Variants in KNTC1 observed in about 807,000 individuals in gnomAD.
KNTC1 encodes kinetochore-associated protein 1.
Under a neutral mutation model 314.4 loss-of-function variants are expected in KNTC1, and 253 were observed. The observed-to-expected ratio is 0.80, with a 90% CI of 0.73 to 0.89. The LOEUF (loss-of-function observed/expected upper bound fraction) is 0.89, where lower values mean the gene tolerates loss of function less well. Among genes scored for constraint, KNTC1 ranks in the 40% least tolerant of loss-of-function variants. The pLI is 0.00. For synonymous variants in KNTC1, 901 were observed against 901.4 expected, an observed-to-expected ratio of 1.00 and a Z score of 0.01; for missense variants, 2,475 against 2,572.9, an observed-to-expected ratio of 0.96 and a Z score of 0.82.
chr12:122,591,772 C>T (rs1870235785), intron 42 of KNTC1, among the ~76,000 whole-genome samples: 1 of 152,140 alleles, frequency 6.6e-6, no homozygotes, highest in Non-Finnish European at 1.5e-5. Flanking sequence ...CTTTTGTTTT[C>T]TGCTGCTGTT....
intron 19 of KNTC1, among the ~76,000 whole-genome samples, 192 bp downstream of exon 19, chr12:122,562,166 TA>T (rs1360936026): frequency 6.6e-6 from 1 of 152,232 alleles, no homozygotes; most frequent in African/African-American, 2.4e-5. Flanking sequence ...ATAATTCATA[TA>T]AACTGTTGTA....
At chr12:122,601,279 G>C (rs994441615) in intron 44 of KNTC1, among the ~76,000 whole-genome samples, 2 of 151,546 alleles carry the variant, frequency 1.3e-5, no homozygotes, top group African/African-American at 4.9e-5. Flanking sequence ...TAGAGACGGG[G>C]TTTCACCGTG....
chr12:122,615,142 C>G (rs1198786318), intron 56 of KNTC1, 56 bp downstream of exon 56: 33 of 1,227,810 alleles, frequency 2.7e-5, no homozygotes, highest in Non-Finnish European at 3.6e-5. Flanking sequence ...TGCACAGCAT[C>G]CCCTAAACAT....
At chr12:122,576,842 C>T (rs2137948574) in intron 29 of KNTC1, 53 bp from the exon 30 acceptor site, 5 of 1,407,846 alleles carry the variant, frequency 3.6e-6, no homozygotes, top group South Asian at 1.7e-5. Flanking sequence ...CAAGTGATTT[C>T]TTGGTTTTCT....
chr12:122,616,241 A>G (rs1873751454), intron 57 of KNTC1, among the ~76,000 whole-genome samples: 1 of 151,370 alleles, frequency 6.6e-6, no homozygotes, highest in Admixed American at 6.6e-5. Context: ...ACTGCTTACA[A>G]TTTCCTATGT....
chr12:122,611,352 T>C (rs1873094956), intron 53 of KNTC1: 2 of 153,618 alleles, frequency 1.3e-5, no homozygotes, highest in South Asian at 4.1e-4. Context: ...TTCTTGCCTA[T>C]AGAAATGTCC....
intron 5 of KNTC1, among the ~76,000 whole-genome samples, chr12:122,541,283 G>GCCTTCCTT (rs1326545612): frequency 0.011 from 730 of 66,678 alleles, 9 homozygotes; most frequent in African/African-American, 0.033. Flanking sequence ...CTGCCTGCCT[G>GCCTTCCTT]CCTGCCTTCC....
chr12:122,577,124 C>A, intron 30 of KNTC1, 95 bp downstream of exon 30: 1 of 939,856 alleles, frequency 1.1e-6, no homozygotes, highest in South Asian at 2.3e-5. Context: ...ATTGCCCAGG[C>A]TGGAGTGCAG....
At chr12:122,558,069 G>A (rs541562723) in intron 18 of KNTC1, among the ~76,000 whole-genome samples, 1 of 152,116 alleles carries the variant, frequency 6.6e-6, no homozygotes, top group South Asian at 2.1e-4. Context: ...GGCCAACATG[G>A]TGAAACTCCG....
chr12:122,602,889 T>C lies in KNTC1; in HGVS notation c.4884+2T>C. The C allele has an allele frequency of 6.3e-7, 1 of 1,597,688 alleles. No homozygotes were observed. On this transcript the variant is annotated splice_donor_variant, in intron 47 of 63. Transcript: ENST00000333479. LOFTEE classifies it high-confidence loss of function. ...CTCTTAATTTCGAAATTAATGAAGG[T>C]AATGGATTAAAACATTGTAAGACAT...
chr12:122,588,679 A>G, intron 39 of KNTC1, 33 bp from the exon 40 acceptor site: 1 of 1,429,242 alleles, frequency 7.0e-7, no homozygotes, highest in Non-Finnish European at 9.4e-7. Context: ...ATATAGAACT[A>G]GACCTAAATA....
intron 3 of KNTC1, among the ~76,000 whole-genome samples, chr12:122,536,139 G>A (rs1055452092): frequency 3.3e-5 from 5 of 150,386 alleles, no homozygotes; most frequent in African/African-American, 4.9e-5. Context: ...TCCTGACCTT[G>A]TGATCTGCCT....
At chr12:122,575,407 G>T (rs1379365647) in intron 27 of KNTC1, 136 bp from the exon 28 acceptor site, 8 of 638,138 alleles carry the variant, frequency 1.3e-5, no homozygotes, top group Non-Finnish European at 2.2e-5. Flanking sequence ...GAAATAAATG[G>T]TTTTCCAGTG....
chr12:122,625,551 G>A (rs1242175115), intron 63 of KNTC1, among the ~76,000 whole-genome samples: 4 of 142,252 alleles, frequency 2.8e-5, no homozygotes, highest in Non-Finnish European at 6.1e-5. Flanking sequence ...TGGGCGACAA[G>A]AGCAAAACTC....
At chr12:122,585,821 T>C in intron 37 of KNTC1, 47 bp downstream of exon 37, 7 of 1,589,274 alleles carry the variant, frequency 4.4e-6, no homozygotes, top group Non-Finnish European at 6.0e-6. Context: ...CTGTCTTATG[T>C]AAATTTAAAC....
intron 53 of KNTC1, among the ~76,000 whole-genome samples, chr12:122,612,723 T>C (rs1873311316): frequency 6.6e-6 from 1 of 152,222 alleles, no homozygotes; most frequent in Non-Finnish European, 1.5e-5. Flanking sequence ...CGGCCACCTC[T>C]TTGGTTTTCA....
intron 42 of KNTC1, chr12:122,593,145 T>A (rs1323402187): frequency 5.6e-6 from 1 of 177,318 alleles, no homozygotes; most frequent in East Asian, 1.7e-4. Flanking sequence ...CCTTAAGAGC[T>A]GTAACACTCA....
intron 33 of KNTC1, among the ~76,000 whole-genome samples, chr12:122,581,450 C>G (rs943453679): frequency 1.3e-5 from 2 of 151,810 alleles, no homozygotes; most frequent in Non-Finnish European, 2.9e-5. Context: ...CCGCCCACCT[C>G]GGCCTCCCAA....
intron 24 of KNTC1, 27 bp from the exon 25 acceptor site, chr12:122,572,910 T>C: frequency 6.9e-7 from 1 of 1,449,616 alleles, no homozygotes; most frequent in East Asian, 2.4e-5. Flanking sequence ...TTTTATATCG[T>C]TAACAACTTT....
Sources: gnomAD v4.1 joint callset for allele counts (sites outside exome capture counted in the v4.1 genomes callset) on GRCh38, gnomAD v4.1.1 for gene constraint, MANE v1.5 for transcripts, NCBI Gene and HGNC (gene_info 2026-07-23, HGNC 2026-07-21) for gene names.